The following GRHL3 variants were observed in gnomAD, a reference collection of about 807,000 sequenced individuals.
GRHL3 encodes the protein grainyhead like transcription factor 3.
A neutral mutation model predicts 70.3 loss-of-function variants in GRHL3; 20 were observed. That is an observed-to-expected ratio of 0.28 (90% CI 0.20 to 0.41). GRHL3 has a LOEUF of 0.41. Ranked by LOEUF, GRHL3 falls within the 10% of genes least tolerant of loss-of-function variation. GRHL3 has a pLI of 1.00. For missense variants in GRHL3, 637 were observed against 762.3 expected (o/e 0.84, Z 1.94); for synonymous variants, 299 against 299.9 (o/e 1.00, Z 0.03).
In GRHL3 at chr1:24,354,467, G is replaced by T. The variant is rs770285630; in HGVS notation, c.1788G>T (p.Gln596His). Residue 596 changes from glutamine to histidine, a missense_variant, in exon 16 of 16, where the codon CAG becomes CAT. Coordinates refer to ENST00000361548, the MANE Select transcript of GRHL3 (RefSeq NM_198173.3). Reference sequence around the variant, plus strand: ...TGGGGGAGCTGGACGGCAAAATTCAGATCATCCTTAAGGAGCTGTAAGGCC... The same window carrying T: ...TGGGGGAGCTGGACGGCAAAATTCATATCATCCTTAAGGAGCTGTAAGGCC... ...LDMGELDGKI[Q>H]IILKEL 2 of 1,613,254 alleles carry T rather than the reference G, an allele frequency of 1.2e-6. No individual in the cohort carries two copies. Among genetic ancestry groups the T allele is most frequent in the Non-Finnish European group, 1.7e-6 (2 of 1,179,292 alleles).
chr1:24,337,569 C>T, intron 5 of GRHL3, 67 bp from the exon 6 acceptor site: 5 of 1,533,256 alleles, frequency 3.3e-6, no homozygotes, highest in Non-Finnish European at 4.5e-6. Context: ...GCTTCCTGCC[C>T]CACTGCCCTC....
intron 11 of GRHL3, among the ~76,000 whole-genome samples, chr1:24,343,983 A>T (rs1368558206): frequency 6.6e-6 from 1 of 152,196 alleles, no homozygotes; most frequent in Non-Finnish European, 1.5e-5. Context: ...GTGGCCCCGC[A>T]GCACAGGCGG....
intron 15 of GRHL3, among the ~76,000 whole-genome samples, chr1:24,362,980 C>G (rs1156423110): frequency 1.3e-5 from 2 of 152,178 alleles, no homozygotes; most frequent in African/African-American, 4.8e-5. Flanking sequence ...TGTGGCTCCC[C>G]CTTCAAAACA....
In GRHL3 at chr1:24,325,026, G is replaced by A. The variant is rs535459965; in HGVS notation, c.17+5458G>A. Among the ~76,000 whole-genome samples, 3 of 152,214 alleles carry A rather than the reference G, an allele frequency of 2.0e-5. No homozygotes were observed. The South Asian group carries it at 6.2e-4, about 32-fold the overall frequency. Reference sequence around the variant, plus strand: ...TCGTGCCCAGGGAACATCGTGTGTGGGGCTGACTGGAAAATGATTCCTCTG... The same window carrying A: ...TCGTGCCCAGGGAACATCGTGTGTGAGGCTGACTGGAAAATGATTCCTCTG... On this transcript the variant is annotated intron_variant, in intron 1 of 15. Coordinates refer to ENST00000361548, the MANE Select transcript of GRHL3 (RefSeq NM_198173.3).
intron 1 of GRHL3, among the ~76,000 whole-genome samples, chr1:24,327,582 G>A (rs566079415): frequency 2.0e-5 from 3 of 152,338 alleles, no homozygotes; most frequent in African/African-American, 7.2e-5. Context: ...GCTATCCATG[G>A]CAGGTCTTCC....
chr1:24,337,914 A>G, intron 6 of GRHL3, 78 bp from the exon 7 acceptor site: 1 of 1,549,430 alleles, frequency 6.5e-7, no homozygotes. Flanking sequence ...GGTTGGGGAA[A>G]CTGAGGCAAA....
At chr1:24,364,456 A>C in exon 16 of GRHL3, 1 of 1,428,748 alleles carries the variant, frequency 7.0e-7, no homozygotes, top group Non-Finnish European at 9.2e-7. Context: ...CCCTGAATAC[A>C]TTCTGGCTAT....
rs1297853043 is a variant in GRHL3, at chr1:24,339,755, A to C, written c.1040A>C (p.Glu347Ala). 6.2e-7 allele frequency: 1 copy of C among 1,610,840 alleles called. No homozygotes were observed. Among genetic ancestry groups the C allele is most frequent in the South Asian group, 1.1e-5 (1 of 90,888 alleles). Residue 347 changes from glutamate (E) to alanine (A), a missense_variant, in exon 8 of 16, where the codon GAG becomes GCG. Glu to Ala is a moderately radical substitution (Grantham distance 107). This residue lies in a region of GRHL3 where 387 missense variants were observed against 513.8 expected (regional missense o/e 0.75). Transcript: ENST00000361548. Reference sequence around the variant, plus strand: ...TCCTTTGTGTGGAACGTGAATGAAGAGGCCAAGGTCAGTGCTGAGGGCAGT... The same window carrying C: ...TCCTTTGTGTGGAACGTGAATGAAGCGGCCAAGGTCAGTGCTGAGGGCAGT... ...ALSFVWNVNE[E>A]AKVFIGVNCL...
chr1:24,342,745 G>T lies in GRHL3; in HGVS notation c.1258G>T (p.Val420Phe). 2 of 1,614,222 alleles carry T rather than the reference G, an allele frequency of 1.2e-6. No homozygotes were observed. The highest frequency in any genetic ancestry group is 1.6e-4 in the Middle Eastern group (1 of 6,062). ...CGAGCGGAAGCAGTTCCGGAGGAAG[G>T]TCAAGTGCCCTGACTCCAGCAACAG... Reference protein sequence around the residue: ...DDERKQFRRKVKCPDSSNSGV... With the variant: ...DDERKQFRRKFKCPDSSNSGV... Residue 420 changes from valine to phenylalanine, a missense_variant, in exon 10 of 16, where the codon GTC becomes TTC. Physicochemically the swap from Val to Phe is conservative, Grantham distance 50 (BLOSUM62 -1). Coordinates refer to ENST00000361548, the MANE Select transcript of GRHL3 (RefSeq NM_198173.3). This position sits in a 1 kb window ranked among gnomAD's most constrained non-coding sequence, Gnocchi z 4.8.
At chr1:24,362,133 C>G (rs1386817515) in intron 15 of GRHL3, among the ~76,000 whole-genome samples, 1 of 152,226 alleles carries the variant, frequency 6.6e-6, no homozygotes, top group Non-Finnish European at 1.5e-5. Flanking sequence ...AGGGAGCCAG[C>G]CCATCCAAGC....
intron 6 of GRHL3, 66 bp from the exon 7 acceptor site, chr1:24,337,926 G>C: frequency 1.3e-6 from 2 of 1,545,742 alleles, no homozygotes; most frequent in Non-Finnish European, 1.8e-6. Flanking sequence ...TGAGGCAAAA[G>C]GGCAGGCCAT....
At position 24,322,899 on chromosome 1, in the gene GRHL3, C is replaced by A; in HGVS notation, c.17+3331C>A. ...CTAATGCGGGATGGGAGTGTAAATGCAGTTTTGCCGAAGAGGGGACCCAGA... is the reference window on the plus strand; with the variant it reads ...CTAATGCGGGATGGGAGTGTAAATGAAGTTTTGCCGAAGAGGGGACCCAGA... On this transcript the variant is annotated intron_variant, in intron 1 of 15. Coordinates refer to ENST00000361548, the MANE Select transcript of GRHL3 (RefSeq NM_198173.3). This position sits in a 1 kb window ranked among gnomAD's most constrained non-coding sequence, Gnocchi z 4.4. The A allele has an allele frequency of 5.1e-6, 3 of 591,316 alleles. No homozygotes were observed. Among genetic ancestry groups the A allele is most frequent in the Non-Finnish European group, 9.0e-6 (3 of 331,550 alleles). 36.6% of individuals were successfully genotyped at this position (591,316 alleles called of 1,614,324 possible).
intron 1 of GRHL3, among the ~76,000 whole-genome samples, chr1:24,327,232 C>T (rs781179815): frequency 1.4e-4 from 22 of 152,336 alleles, no homozygotes; most frequent in Non-Finnish European, 2.9e-4. Context: ...CATTATCTTA[C>T]TATGTTAATT....
At chr1:24,330,294 T>C (rs1639552969) in intron 1 of GRHL3, among the ~76,000 whole-genome samples, 1 of 152,234 alleles carries the variant, frequency 6.6e-6, no homozygotes. Flanking sequence ...CACCCTGCTG[T>C]GAAAGCGATC....
At chr1:24,323,855 G>A (rs942474691) in intron 1 of GRHL3, among the ~76,000 whole-genome samples, 1 of 152,154 alleles carries the variant, frequency 6.6e-6, no homozygotes, top group Admixed American at 6.5e-5. Context: ...TTATCTCTCC[G>A]TTATTTGATG....
intron 5 of GRHL3, among the ~76,000 whole-genome samples, 183 bp downstream of exon 5, chr1:24,337,334 C>A (rs185419554): frequency 6.6e-6 from 1 of 152,320 alleles, no homozygotes; most frequent in Admixed American, 6.5e-5. Flanking sequence ...TGATAGGGAG[C>A]TCAGAACTTG....
chr1:24,322,688 G>C lies in GRHL3; in HGVS notation c.17+3120G>C, dbSNP rs1639246900. Among the ~76,000 whole-genome samples, 1 of 152,234 alleles carries C rather than the reference G, an allele frequency of 6.6e-6. No individual in the cohort carries two copies. The highest frequency in any genetic ancestry group is 6.5e-5 in the Admixed American group (1 of 15,284). The stretch of plus-strand genomic sequence containing the variant: ...AGTGGCCGCAGCCAGGCGGTCGGCA[G>C]AGCTCCCACTGACCCACCGGAGGAG... On this transcript the variant is annotated intron_variant, in intron 1 of 15. Transcript: ENST00000361548. The surrounding 1 kb of genome is among the most constrained non-coding windows in gnomAD (Gnocchi z 4.4).
Position 24,337,734 on chromosome 1 carries a change from C to T in GRHL3, c.785C>T (p.Thr262Ile). Reference protein sequence around the residue: ...YLNKGQFYPVTLRTPAGGKGL... With the variant: ...YLNKGQFYPVILRTPAGGKGL... ...AACAAAGGCCAGTTCTACCCCGTCA[C>T]CCTGCGGACCCCAGCAGGTGGCAAA... The change falls in exon 6 of 16, where the codon ACC (threonine) becomes ATC (isoleucine). Residue 262 changes from threonine to isoleucine, a missense_variant. Thr to Ile is a moderately conservative substitution (Grantham distance 89). Transcript: ENST00000361548. The T allele has an allele frequency of 6.2e-7, 1 of 1,614,246 alleles. No homozygotes were observed.
At chr1:24,357,776 C>T (rs925922520), downstream of GRHL3, 4 of 194,514 alleles carry the variant, frequency 2.1e-5, no homozygotes, top group Non-Finnish European at 4.4e-5. Flanking sequence ...CATAGAGAGA[C>T]GAAAGCTATC....
Sources: gnomAD v4.1 joint callset for allele counts (sites outside exome capture counted in the v4.1 genomes callset) on GRCh38, gnomAD v4.1.1 for gene constraint, gnomAD v4.1.1 regional missense constraint, Gnocchi (gnomAD v3.1) non-coding constraint, MANE v1.5 for transcripts, NCBI Gene and HGNC (gene_info 2026-07-23, HGNC 2026-07-21) for gene names.